Variants in TDRD9 observed in about 807,000 individuals in gnomAD.
TDRD9 encodes the protein tudor domain containing 9.
TDRD9 carries 124 observed loss-of-function variants against 172.6 expected under a neutral mutation model. The ratio of observed to expected loss-of-function variants is 0.72; its 90% confidence interval spans 0.62 to 0.83. The LOEUF is 0.83. Ranked by LOEUF, TDRD9 falls within the 40% of genes least tolerant of loss-of-function variation. TDRD9 has a pLI of 0.00. For missense variants in TDRD9, 1,479 were observed against 1,714.1 expected, an observed-to-expected ratio of 0.86 and a Z score of 2.42; for synonymous variants, 619 against 617.1, an observed-to-expected ratio of 1.00 and a Z score of -0.05.
intron 2 of TDRD9, 126 bp downstream of exon 2, chr14:103,955,896 G>A (rs1047441824): frequency 2.7e-6 from 2 of 732,182 alleles, no homozygotes; most frequent in Non-Finnish European, 4.3e-6. Context: ...GATCACTTAA[G>A]GCCAGGAATT....
At chr14:103,938,416 A>G (rs7143045) in intron 1 of TDRD9, among the ~76,000 whole-genome samples, 60 of 97,362 alleles carry the variant, frequency 6.2e-4, no homozygotes, top group African/African-American at 2.6e-3. Flanking sequence ...GTGTGTGTGT[A>G]TATATATATA....
At chr14:103,982,155 T>C (rs1409518176) in intron 7 of TDRD9, among the ~76,000 whole-genome samples, 2 of 152,184 alleles carry the variant, frequency 1.3e-5, no homozygotes, top group African/African-American at 4.8e-5. Flanking sequence ...TGATCTACTG[T>C]TTCCCCCTCC....
At chr14:103,986,175 T>C in intron 7 of TDRD9, 42 bp from the exon 8 acceptor site, 1 of 1,469,182 alleles carries the variant, frequency 6.8e-7, no homozygotes, top group Non-Finnish European at 9.5e-7. Context: ...TCTTCTGTAA[T>C]CCTGTTTTCG....
intron 1 of TDRD9, among the ~76,000 whole-genome samples, chr14:103,944,174 A>G (rs112530093): frequency 6.6e-6 from 1 of 152,044 alleles, no homozygotes; most frequent in African/African-American, 2.4e-5. Context: ...GCAGTCTCAC[A>G]TTATCCCTCC....
intron 32 of TDRD9, among the ~76,000 whole-genome samples, chr14:104,038,634 T>C (rs1256295685): frequency 2.0e-5 from 3 of 152,150 alleles, no homozygotes; most frequent in Non-Finnish European, 4.4e-5. Flanking sequence ...GGTGGGTTGG[T>C]GCTGAGGGTC....
At chr14:104,005,464 TC>T in intron 15 of TDRD9, 59 bp downstream of exon 15, 1 of 1,574,808 alleles carries the variant, frequency 6.3e-7, no homozygotes, top group Non-Finnish European at 8.7e-7. Flanking sequence ...CTACTGTGGC[TC>T]CCTCAGTCTG....
At chr14:104,000,138 A>G (rs1456098684) in intron 13 of TDRD9, among the ~76,000 whole-genome samples, 1 of 151,822 alleles carries the variant, frequency 6.6e-6, no homozygotes, top group Non-Finnish European at 1.5e-5. Context: ...ACCGGCCTGG[A>G]CAACATGGCA....
rs544383960 is a variant in TDRD9 at position 104,030,744 on chromosome 14, C to T, written c.3283-364C>T. ...ATCGCAAGGACAAAAAACCAAACACCGCATGTTCTCACTCATAGGTGGGAA... is the reference window on the plus strand; with the variant it reads ...ATCGCAAGGACAAAAAACCAAACACTGCATGTTCTCACTCATAGGTGGGAA... On this transcript the variant is annotated intron_variant, in intron 28 of 35. Transcript: ENST00000409874. Among the ~76,000 whole-genome samples, 17 of 152,132 alleles carry T rather than the reference C, an allele frequency of 1.1e-4. No homozygotes were observed. In the East Asian group the frequency reaches 2.3e-3, roughly 21 times the overall value.
intron 1 of TDRD9, chr14:103,941,443 G>C: frequency 6.5e-7 from 1 of 1,535,332 alleles, no homozygotes; most frequent in Non-Finnish European, 8.7e-7. Flanking sequence ...TGTGAGCAAA[G>C]AACTTCAAGT....
chr14:103,983,915 G>A (rs1317343762), intron 7 of TDRD9, among the ~76,000 whole-genome samples: 2 of 152,214 alleles, frequency 1.3e-5, no homozygotes, highest in East Asian at 3.8e-4. Context: ...CCAGGCTGAG[G>A]TGGTTTCAGA....
chr14:104,014,704 A>G (rs990241725), intron 20 of TDRD9, 21 bp from the exon 21 acceptor site: 4 of 1,389,172 alleles, frequency 2.9e-6, no homozygotes, highest in Non-Finnish European at 4.1e-6. Flanking sequence ...GAGACATCAG[A>G]TTTCAATGTA....
chr14:103,969,317 G>A (rs1159170285), intron 5 of TDRD9, among the ~76,000 whole-genome samples: 1 of 152,042 alleles, frequency 6.6e-6, no homozygotes, highest in Non-Finnish European at 1.5e-5. Context: ...CCAGTGGGTT[G>A]CGGGGCAGAG....
chr14:104,039,217 A>G (rs1566801993), intron 32 of TDRD9, among the ~76,000 whole-genome samples: 1 of 152,192 alleles, frequency 6.6e-6, no homozygotes, highest in South Asian at 2.1e-4. Flanking sequence ...ACTCACCATC[A>G]CGAGAACAGC....
intron 2 of TDRD9, among the ~76,000 whole-genome samples, chr14:103,956,126 A>G (rs2032218786): frequency 1.0e-5 from 1 of 95,460 alleles, no homozygotes; most frequent in South Asian, 3.2e-4. Context: ...ATATATATAT[A>G]TATATATATA....
At chr14:103,969,098 TA>T (rs551879850) in intron 5 of TDRD9, among the ~76,000 whole-genome samples, 88 of 91,664 alleles carry the variant, frequency 9.6e-4, no homozygotes, top group African/African-American at 1.5e-3. Flanking sequence ...AGACTCTGTG[TA>T]AAAAAAAAAA....
At chr14:103,963,320 T>C in intron 3 of TDRD9, 144 bp downstream of exon 3, 1 of 551,010 alleles carries the variant, frequency 1.8e-6, no homozygotes, top group Non-Finnish European at 3.1e-6. Context: ...AAGAGGAGGG[T>C]GTGCTCAGGC....
intron 2 of TDRD9, among the ~76,000 whole-genome samples, chr14:103,962,456 A>G (rs2032552645): frequency 6.6e-6 from 1 of 152,228 alleles, no homozygotes; most frequent in African/African-American, 2.4e-5. Context: ...CAAGATTAAT[A>G]GTGGGCTGCT....
rs989832474 is a variant in TDRD9, at chr14:103,995,939, G to T, written c.1378+132G>T. On this transcript the variant is annotated intron_variant, in intron 12 of 35. Transcript: ENST00000409874. ...GTTTTGGAACACAGAATTGAGAAAAGTAGGTTTACGTAGTTTCTCCCATAC... is the reference window on the plus strand; with the variant it reads ...GTTTTGGAACACAGAATTGAGAAAATTAGGTTTACGTAGTTTCTCCCATAC... The T allele has an allele frequency of 1.2e-5, 9 of 767,356 alleles. No homozygotes were observed. In the African/African-American group the frequency reaches 1.4e-4, roughly 12 times the overall value. The allele number at this position is 767,356 out of a possible 1,614,324, so 47.5% of individuals were successfully genotyped here. A position where few individuals can be genotyped will look rare whatever the true frequency, so the allele number is the denominator to read the frequency against.
chr14:103,930,961 G>A (rs1174436266), intron 1 of TDRD9, among the ~76,000 whole-genome samples: 1 of 151,878 alleles, frequency 6.6e-6, no homozygotes, highest in Non-Finnish European at 1.5e-5. Context: ...TCAGAGCAAT[G>A]AAATGAAAAA....
Sources: gnomAD v4.1 joint callset for allele counts (sites outside exome capture counted in the v4.1 genomes callset) on GRCh38, gnomAD v4.1.1 for gene constraint, MANE v1.5 for transcripts, NCBI Gene and HGNC (gene_info 2026-07-23, HGNC 2026-07-21) for gene names.